The following HECTD2 variants were observed in gnomAD, a reference collection of about 807,000 sequenced individuals.
HECTD2 encodes the protein HECT domain E3 ubiquitin protein ligase 2, also known as probable E3 ubiquitin-protein ligase HECTD2.
Under a neutral mutation model 103.2 loss-of-function variants are expected in HECTD2, and 35 were observed. The observed-to-expected ratio is 0.34, with a 90% CI of 0.26 to 0.45. HECTD2 has a LOEUF of 0.45. Ranked by LOEUF, HECTD2 falls within the 20% of genes least tolerant of loss-of-function variation. The pLI is 1.00. For synonymous variants in HECTD2, 281 were observed against 329.9 expected (o/e 0.85, Z 1.61); for missense variants, 596 against 937.4 (o/e 0.64, Z 4.76).
At chr10:91,431,429 C>G (rs1463473863) in intron 2 of HECTD2, among the ~76,000 whole-genome samples, 6 of 152,076 alleles carry the variant, frequency 3.9e-5, no homozygotes, top group African/African-American at 1.4e-4. Flanking sequence ...GTTGGCCTGC[C>G]TTGCTAGATT....
chr10:91,463,756 T>A (rs182945206), intron 5 of HECTD2: 2 of 152,314 alleles, frequency 1.3e-5, no homozygotes, highest in African/African-American at 2.4e-5. Context: ...TACACATCCA[T>A]CAAAATTAAT....
chr10:91,494,473 C>T (rs1041698314), intron 14 of HECTD2, among the ~76,000 whole-genome samples: 2 of 151,956 alleles, frequency 1.3e-5, no homozygotes, highest in Non-Finnish European at 2.9e-5. Flanking sequence ...AAAATACCAT[C>T]AGAAAATGAA....
chr10:91,460,656 G>A, intron 3 of HECTD2, 91 bp downstream of exon 3: 1 of 1,322,342 alleles, frequency 7.6e-7, no homozygotes, highest in Non-Finnish European at 1.0e-6. Flanking sequence ...ATTAACTTTT[G>A]GATCACTATA....
At chr10:91,505,969 T>C (rs866846152) in intron 20 of HECTD2, among the ~76,000 whole-genome samples, 1,538 of 150,738 alleles carry the variant, frequency 0.01, 14 homozygotes, top group African/African-American at 0.036. Flanking sequence ...ATTAAGAATC[T>C]CACTCAAAGC....
intron 5 of HECTD2, among the ~76,000 whole-genome samples, chr10:91,477,053 C>A (rs1296229379): frequency 6.6e-6 from 1 of 151,948 alleles, no homozygotes; most frequent in Non-Finnish European, 1.5e-5. Context: ...CGGTGGCGGG[C>A]GCCTGTAGTC....
chr10:91,472,123 A>C (rs369256492), intron 5 of HECTD2, among the ~76,000 whole-genome samples: 2 of 152,170 alleles, frequency 1.3e-5, no homozygotes, highest in Non-Finnish European at 2.9e-5. Flanking sequence ...ACATAGACCA[A>C]TGGAACAGAA....
chr10:91,493,567 A>G, intron 14 of HECTD2, 59 bp downstream of exon 14: 1 of 902,272 alleles, frequency 1.1e-6, no homozygotes, highest in Non-Finnish European at 1.7e-6. Flanking sequence ...TAAAGATTTT[A>G]TCTGTATTTT....
chr10:91,492,131 G>A (rs971834112), intron 12 of HECTD2, among the ~76,000 whole-genome samples: 1 of 152,154 alleles, frequency 6.6e-6, no homozygotes, highest in African/African-American at 2.4e-5. Context: ...AGTACTTTGG[G>A]TGAAGTACCT....
intron 5 of HECTD2, among the ~76,000 whole-genome samples, chr10:91,466,328 G>A (rs1845530768): frequency 6.6e-6 from 1 of 151,852 alleles, no homozygotes; most frequent in African/African-American, 2.4e-5. Context: ...TCTGGCTAGA[G>A]GCTTATCACT....
At chr10:91,434,952 G>A (rs1844052666) in intron 2 of HECTD2, among the ~76,000 whole-genome samples, 2 of 152,022 alleles carry the variant, frequency 1.3e-5, no homozygotes. Context: ...TTCAGTACAT[G>A]TTATGACAAT....
At chr10:91,505,166 T>A (rs1024495615) in intron 20 of HECTD2, among the ~76,000 whole-genome samples, 5 of 151,228 alleles carry the variant, frequency 3.3e-5, no homozygotes, top group African/African-American at 4.9e-5. Flanking sequence ...CGCTGCAAAA[T>A]CATGCCAAAA....
At chr10:91,481,892 A>G (rs917163235) in intron 7 of HECTD2, among the ~76,000 whole-genome samples, 3 of 151,968 alleles carry the variant, frequency 2.0e-5, no homozygotes, top group East Asian at 1.9e-4. Flanking sequence ...TATAATATCA[A>G]TATGTCTAAT....
chr10:91,410,366 G>GGCAGCAGCAGCGCCAGCC lies in HECTD2; in HGVS notation c.-72_-55dup, dbSNP rs1554863197. 9.9e-7 allele frequency: 1 copy of GGCAGCAGCAGCGCCAGCC among 1,008,248 alleles called. No homozygotes were observed. The highest frequency in any genetic ancestry group is 1.3e-6 in the Non-Finnish European group (1 of 790,354). 62.5% of individuals were successfully genotyped at this position (1,008,248 alleles called of 1,614,324 possible). On this transcript the variant is annotated 5_prime_UTR_variant, in exon 1 of 21. Coordinates refer to ENST00000298068, the MANE Select transcript of HECTD2 (RefSeq NM_182765.6). ...CCCAGAGCCCTCTCGCGGCCGCGGC[G>GGCAGCAGCAGCGCCAGCC]GCAGCAGCAGCGCCAGCCCCAGCAA... is the stretch of plus-strand genomic sequence containing the variant.
chr10:91,417,297 AAAC>A (rs1843166148), intron 1 of HECTD2, among the ~76,000 whole-genome samples: 1 of 152,194 alleles, frequency 6.6e-6, no homozygotes, highest in Non-Finnish European at 1.5e-5. Flanking sequence ...AGCCATCAAA[AAAC>A]ATTTTTTGAA....
chr10:91,508,459 C>T (rs1266065718), intron 20 of HECTD2, among the ~76,000 whole-genome samples: 12 of 151,496 alleles, frequency 7.9e-5, no homozygotes, highest in South Asian at 2.1e-4. Flanking sequence ...AAAAAGTGGG[C>T]GAAGGACATG....
intron 1 of HECTD2, among the ~76,000 whole-genome samples, chr10:91,412,036 G>T (rs1044291306): frequency 6.6e-6 from 1 of 152,198 alleles, no homozygotes; most frequent in Non-Finnish European, 1.5e-5. Flanking sequence ...TTTGGAATTT[G>T]CAAGTGTGGA....
At chr10:91,464,291 G>A (rs1845454364) in intron 5 of HECTD2, among the ~76,000 whole-genome samples, 2 of 152,196 alleles carry the variant, frequency 1.3e-5, no homozygotes, top group African/African-American at 4.8e-5. Context: ...TTGGTAAACA[G>A]AGAAGGTGTT....
Position 91,425,317 on chromosome 10 carries a change from T to TTA in HECTD2, c.176_177insAT (p.Phe59LeufsTer33). On this transcript the variant is annotated frameshift_variant, in exon 2 of 21. Transcript: ENST00000298068. LOFTEE classifies it high-confidence loss of function. ...AGGAGCCAAAGGCCAAATTTCCACT[T>TTA]TCAGCAGTTTTATTTCAGCTGTTAG... The TTA allele has an allele frequency of 6.5e-7, 1 of 1,542,292 alleles. No individual in the cohort carries two copies.
intron 20 of HECTD2, among the ~76,000 whole-genome samples, chr10:91,507,444 A>T (rs1484870436): frequency 6.6e-6 from 1 of 152,240 alleles, no homozygotes; most frequent in Non-Finnish European, 1.5e-5. Flanking sequence ...ATACAAAATC[A>T]GTGTGCAAAA....
Sources: gnomAD v4.1 joint callset for allele counts (sites outside exome capture counted in the v4.1 genomes callset) on GRCh38, gnomAD v4.1.1 for gene constraint, MANE v1.5 for transcripts, NCBI Gene and HGNC (gene_info 2026-07-23, HGNC 2026-07-21) for gene names.